Variants in KCNH5 observed in about 807,000 individuals in gnomAD.
KCNH5 encodes the protein voltage-gated delayed rectifier potassium channel KCNH5.
Under a neutral mutation model 96.1 loss-of-function variants are expected in KCNH5, and 46 were observed. The observed-to-expected ratio is 0.48, with a 90% CI of 0.38 to 0.61. The LOEUF (loss-of-function observed/expected upper bound fraction) is 0.61. Ranked by LOEUF, KCNH5 falls within the 20% of genes least tolerant of loss-of-function variation. KCNH5 has a pLI of 0.00. For synonymous variants in KCNH5, 439 were observed against 449.8 expected, an observed-to-expected ratio of 0.98 and a Z score of 0.30; for missense variants, 907 against 1,225.8, an observed-to-expected ratio of 0.74 and a Z score of 3.88.
chr14:62,819,964 G>A (rs1051632456), intron 8 of KCNH5, among the ~76,000 whole-genome samples: 9 of 152,096 alleles, frequency 5.9e-5, no homozygotes, highest in Non-Finnish European at 7.4e-5. Context: ...TAAGTACTTC[G>A]TTTCATTTAA....
intron 1 of KCNH5, among the ~76,000 whole-genome samples, chr14:63,043,667 G>A (rs745919556): frequency 3.3e-5 from 5 of 152,098 alleles, no homozygotes; most frequent in Non-Finnish European, 5.9e-5. Flanking sequence ...TGGCCAAAAC[G>A]AAGAAATAAA....
At chr14:62,854,004 CAAAAA>C (rs548263620) in intron 7 of KCNH5, among the ~76,000 whole-genome samples, 1 of 84,224 alleles carries the variant, frequency 1.2e-5, no homozygotes, top group East Asian at 4.2e-4. Flanking sequence ...GAGACTCTGT[CAAAAA>C]AAAAAAAAAC....
At chr14:62,951,962 C>CAAAAAAAAA (rs36114434) in intron 6 of KCNH5, among the ~76,000 whole-genome samples, 3 of 105,492 alleles carry the variant, frequency 2.8e-5, no homozygotes, top group East Asian at 2.7e-4. Flanking sequence ...GACTCCGTCT[C>CAAAAAAAAA]AAAAAAAAAA....
At chr14:63,011,581 A>G (rs1469237082) in intron 2 of KCNH5, among the ~76,000 whole-genome samples, 1 of 152,214 alleles carries the variant, frequency 6.6e-6, no homozygotes, top group African/African-American at 2.4e-5. Context: ...AAAAGGTTTC[A>G]CAACCCATTG....
chr14:62,831,509 A>G (rs1430710251), intron 8 of KCNH5, among the ~76,000 whole-genome samples: 1 of 152,120 alleles, frequency 6.6e-6, no homozygotes, highest in Non-Finnish European at 1.5e-5. Context: ...TTCATCGACC[A>G]TTTATATTTC....
intron 7 of KCNH5, among the ~76,000 whole-genome samples, chr14:62,913,633 G>T (rs1053209425): frequency 6.6e-6 from 1 of 152,020 alleles, no homozygotes; most frequent in Non-Finnish European, 1.5e-5. Context: ...AATTAGTATA[G>T]CCACCTAGAA....
At chr14:62,942,226 T>C (rs1156836689) in intron 7 of KCNH5, among the ~76,000 whole-genome samples, 5 of 152,108 alleles carry the variant, frequency 3.3e-5, no homozygotes, top group African/African-American at 9.7e-5. Context: ...CAATAGAACC[T>C]TAGAAGTATA....
At chr14:62,980,205 T>C (rs1415164698) in intron 6 of KCNH5, among the ~76,000 whole-genome samples, 1 of 152,164 alleles carries the variant, frequency 6.6e-6, no homozygotes, top group Non-Finnish European at 1.5e-5. Flanking sequence ...TGTTTATAAA[T>C]TACCCAGTCT....
chr14:62,944,542 CAT>C (rs1266253267), intron 7 of KCNH5, among the ~76,000 whole-genome samples: 2 of 152,024 alleles, frequency 1.3e-5, no homozygotes, highest in Non-Finnish European at 2.9e-5. Context: ...GCTGCTAGCA[CAT>C]ATTGGTTTCT....
chr14:62,763,590 C>A (rs764249217), intron 10 of KCNH5, among the ~76,000 whole-genome samples: 1 of 151,968 alleles, frequency 6.6e-6, no homozygotes, highest in African/African-American at 2.4e-5. Context: ...GATCAACAAA[C>A]CAAAAGTTTT....
intron 7 of KCNH5, among the ~76,000 whole-genome samples, chr14:62,932,475 T>TA (rs199801361): frequency 0.035 from 3,593 of 102,354 alleles, 114 homozygotes; most frequent in East Asian, 0.11. Flanking sequence ...GAAATGAGAT[T>TA]AAAAAAAAAA....
At chr14:62,882,839 T>C (rs975030770) in intron 7 of KCNH5, among the ~76,000 whole-genome samples, 1 of 152,230 alleles carries the variant, frequency 6.6e-6, no homozygotes, top group Non-Finnish European at 1.5e-5. Flanking sequence ...TAAGCTCATA[T>C]TGGTCATCTG....
rs1469502913 is a variant in KCNH5, at chr14:62,707,948, C to T, written c.2527G>A (p.Asp843Asn). 1 of 1,614,178 alleles carries T rather than the reference C, an allele frequency of 6.2e-7. No individual in the cohort carries two copies. The highest frequency in any genetic ancestry group is 8.5e-7 in the Non-Finnish European group (1 of 1,180,042). ...KAESMGLLSEDPKSSDSENSV... is the reference protein window; with the variant it reads ...KAESMGLLSENPKSSDSENSV... ...TTCTCTGAATCACTGCTCTTGGGGT[C>T]CTCAGACAATAGCCCCATTGACTCA... Residue 843 changes from aspartate to asparagine, a missense_variant, in exon 11 of 11, where the codon GAC (aspartate) becomes AAC (asparagine). By Grantham distance (23) the Asp-to-Asn change is conservative (BLOSUM62 1). This residue lies in a region of KCNH5 where 362 missense variants were observed against 394.4 expected (regional missense o/e 0.92). Transcript: ENST00000322893.
intron 8 of KCNH5, among the ~76,000 whole-genome samples, chr14:62,811,842 T>C (rs533398648): frequency 1.3e-5 from 2 of 152,292 alleles, no homozygotes; most frequent in African/African-American, 4.8e-5. Flanking sequence ...CAGTCATTCA[T>C]TTAGCTGATG....
At chr14:62,873,160 AAAAG>A (rs1888294139) in intron 7 of KCNH5, among the ~76,000 whole-genome samples, 4 of 152,090 alleles carry the variant, frequency 2.6e-5, no homozygotes, top group South Asian at 4.1e-4. Context: ...AAAAAAAAAA[AAAAG>A]AAGAAGAAGA....
intron 8 of KCNH5, among the ~76,000 whole-genome samples, chr14:62,809,599 T>G: frequency 6.6e-6 from 1 of 152,112 alleles, no homozygotes; most frequent in African/African-American, 2.4e-5. Flanking sequence ...TAAAAAAGTC[T>G]TATATGAGAT....
chr14:62,707,730 G>C lies in KCNH5; in HGVS notation c.2745C>G (p.His915Gln), dbSNP rs138093802. Residue 915 changes from histidine to glutamine, a missense_variant, in exon 11 of 11, where the codon CAC becomes CAG. Transcript: ENST00000322893. ...GCAGCTGGATGTCCTCTTTGAGTTCGTGTTTGACTTCCTGCAGTGTGGTCT... is the reference window on the plus strand; with the variant it reads ...GCAGCTGGATGTCCTCTTTGAGTTCCTGTTTGACTTCCTGCAGTGTGGTCT... Reference protein sequence around the residue: ...ALQTTLQEVKHELKEDIQLLS... With the variant: ...ALQTTLQEVKQELKEDIQLLS... 6.2e-7 allele frequency: 1 copy of C among 1,610,196 alleles called. No homozygotes were observed. The highest frequency in any genetic ancestry group is 8.5e-7 in the Non-Finnish European group (1 of 1,176,916).
intron 4 of KCNH5, among the ~76,000 whole-genome samples, chr14:63,001,130 C>T (rs1469991997): frequency 1.6e-4 from 24 of 152,106 alleles, no homozygotes; most frequent in Admixed American, 1.6e-3. Context: ...ATAAGTTAAC[C>T]AATCTATATT....
At chr14:62,970,113 G>C (rs1254562918) in intron 6 of KCNH5, among the ~76,000 whole-genome samples, 2 of 142,652 alleles carry the variant, frequency 1.4e-5, no homozygotes, top group Non-Finnish European at 3.1e-5. Flanking sequence ...AAACAAGAGA[G>C]AGAGAAGATA....
Sources: allele counts gnomAD v4.1 joint callset (sites outside exome capture counted in the v4.1 genomes callset), GRCh38; gene constraint gnomAD v4.1.1; regional missense constraint gnomAD v4.1.1; transcripts MANE v1.5; gene names NCBI Gene and HGNC (gene_info 2026-07-23, HGNC 2026-07-21).